QTMAN: variants seen among roughly 807,000 people sequenced by gnomAD.
QTMAN encodes tRNA-queuosine alpha-mannosyltransferase.
chr2:144,074,123 G>A, the QTMAN span, among the ~76,000 whole-genome samples: 63 of 152,152 alleles, frequency 4.1e-4, no homozygotes, highest in African/African-American at 1.4e-3. Context: ...GAGCCAAAAG[G>A]GGATATGAAT....
At chr2:144,085,625 G>C in the QTMAN span, among the ~76,000 whole-genome samples, 2 of 152,142 alleles carry the variant, frequency 1.3e-5, no homozygotes, top group Non-Finnish European at 2.9e-5. Context: ...TAGACAGTGA[G>C]AACACTTCCA....
the QTMAN span, among the ~76,000 whole-genome samples, chr2:144,140,417 T>C: frequency 6.6e-6 from 1 of 151,980 alleles, no homozygotes; most frequent in African/African-American, 2.4e-5. Context: ...ATATGTGATA[T>C]TAAAAAAACT....
the QTMAN span, among the ~76,000 whole-genome samples, chr2:144,203,257 CAGAA>C: frequency 6.6e-6 from 1 of 150,970 alleles, no homozygotes; most frequent in African/African-American, 2.4e-5. Flanking sequence ...AGCAAAGAGA[CAGAA>C]AGAGGCAGGG....
At chr2:144,007,459 T>C in the QTMAN span, 18,445 of 1,613,206 alleles carry the variant, frequency 0.011, 124 homozygotes, top group Non-Finnish European at 0.014. Flanking sequence ...GGAAGGGCCA[T>C]GGACAGAACC....
At chr2:144,095,816 T>C in the QTMAN span, among the ~76,000 whole-genome samples, 1 of 152,186 alleles carries the variant, frequency 6.6e-6, no homozygotes, top group Non-Finnish European at 1.5e-5. Context: ...AGGCTACCTA[T>C]AATGCTTTAT....
At chr2:144,310,630 A>G in the QTMAN span, among the ~76,000 whole-genome samples, 5 of 152,348 alleles carry the variant, frequency 3.3e-5, no homozygotes, top group African/African-American at 1.2e-4. Flanking sequence ...GAAAGGTGAT[A>G]AGATTCAAAT....
the QTMAN span, among the ~76,000 whole-genome samples, chr2:144,247,102 ACTATGAGAT>A: frequency 3.3e-5 from 5 of 152,222 alleles, no homozygotes; most frequent in Admixed American, 1.3e-4. Context: ...GAAGGAAAAC[ACTATGAGAT>A]CCAAGAAAAG....
the QTMAN span, among the ~76,000 whole-genome samples, chr2:144,138,631 C>A: frequency 6.6e-6 from 1 of 151,930 alleles, no homozygotes; most frequent in Non-Finnish European, 1.5e-5. Context: ...CAAGGTTGTT[C>A]ATCCCCAGTA....
At chr2:144,100,149 A>T in the QTMAN span, among the ~76,000 whole-genome samples, 1 of 152,200 alleles carries the variant, frequency 6.6e-6, no homozygotes, top group African/African-American at 2.4e-5. Context: ...AATAACTGGC[A>T]ATCACCTTGA....
At chr2:144,214,629 G>C in the QTMAN span, among the ~76,000 whole-genome samples, 1 of 152,104 alleles carries the variant, frequency 6.6e-6, no homozygotes, top group Non-Finnish European at 1.5e-5. Flanking sequence ...CAAAGATGTG[G>C]TAAGCTAATA....
At chr2:143,965,544 T>A in the QTMAN span, among the ~76,000 whole-genome samples, 83 of 152,314 alleles carry the variant, frequency 5.4e-4, no homozygotes, top group African/African-American at 1.7e-3. Flanking sequence ...AAGCCTGGTT[T>A]GCTGAGTTCA....
the QTMAN span, among the ~76,000 whole-genome samples, chr2:144,002,763 T>C: frequency 6.6e-6 from 1 of 151,952 alleles, no homozygotes; most frequent in African/African-American, 2.4e-5. Flanking sequence ...TATTCCACAT[T>C]ACAGCAAACC....
chr2:144,043,854 ATGC>A, the QTMAN span, among the ~76,000 whole-genome samples: 1 of 152,196 alleles, frequency 6.6e-6, no homozygotes, highest in East Asian at 1.9e-4. Context: ...ATCTGGAATT[ATGC>A]TGCTTCAGAA....
chr2:144,085,179 G>A, the QTMAN span, among the ~76,000 whole-genome samples: 1 of 152,230 alleles, frequency 6.6e-6, no homozygotes, highest in Non-Finnish European at 1.5e-5. Context: ...TCTTTGTAGT[G>A]TGAAAGCATT....
chr2:144,087,023 A>G, the QTMAN span, among the ~76,000 whole-genome samples: 20 of 152,268 alleles, frequency 1.3e-4, no homozygotes, highest in East Asian at 1.7e-3. Context: ...TTAAGTGACA[A>G]CAGTAACCTT....
the QTMAN span, among the ~76,000 whole-genome samples, chr2:144,162,453 A>G: frequency 2.0e-4 from 31 of 152,188 alleles, no homozygotes; most frequent in African/African-American, 7.2e-4. Flanking sequence ...TCTTGTACAG[A>G]TGTCAAGCTT....
the QTMAN span, among the ~76,000 whole-genome samples, chr2:144,223,260 G>T: frequency 6.7e-6 from 1 of 150,314 alleles, no homozygotes; most frequent in African/African-American, 2.4e-5. Flanking sequence ...GTTATTTCTA[G>T]AAAACAAAAA....
the QTMAN span, among the ~76,000 whole-genome samples, chr2:144,281,396 A>AC: frequency 9.1e-5 from 2 of 21,864 alleles, no homozygotes; most frequent in South Asian, 2.0e-3. Flanking sequence ...TTGTTATAGC[A>AC]AAAAAAAAAA....
the QTMAN span, among the ~76,000 whole-genome samples, chr2:144,047,966 G>C: frequency 5.0e-4 from 76 of 152,272 alleles, no homozygotes; most frequent in African/African-American, 1.7e-3. Context: ...TTAATTGCTG[G>C]GAAGCTCACT....
Sources: allele counts gnomAD v4.1 joint callset (sites outside exome capture counted in the v4.1 genomes callset), GRCh38; gene constraint gnomAD v4.1.1; transcripts MANE v1.5; gene names NCBI Gene and HGNC (gene_info 2026-07-23, HGNC 2026-07-21).